Variants in KCTD16 observed in about 807,000 individuals in gnomAD.
KCTD16 encodes BTB/POZ domain-containing protein KCTD16.
KCTD16 carries 13 observed loss-of-function variants against 33.2 expected under a neutral mutation model. That is an observed-to-expected ratio of 0.39 (90% CI 0.25 to 0.62). The LOEUF is 0.62. KCTD16 is among the 20% of genes least tolerant of loss of function. The pLI is 0.50. For missense variants in KCTD16, 441 were observed against 525.1 expected (o/e 0.84, Z 1.57); for synonymous variants, 197 against 195.3 (o/e 1.01, Z -0.07).
At chr5:144,186,603 C>A (rs1422960855) in intron 2 of KCTD16, among the ~76,000 whole-genome samples, 2 of 152,134 alleles carry the variant, frequency 1.3e-5, no homozygotes, top group Non-Finnish European at 2.9e-5. Context: ...CTTTAAAAAA[C>A]CAGTTTGTTT....
At chr5:144,292,775 T>C (rs1326375715) in intron 3 of KCTD16, among the ~76,000 whole-genome samples, 1 of 152,026 alleles carries the variant, frequency 6.6e-6, no homozygotes, top group Non-Finnish European at 1.5e-5. Flanking sequence ...AATAGAGAAT[T>C]CTCAACTTCC....
intron 3 of KCTD16, chr5:144,385,266 G>A (rs1314385980): frequency 6.6e-6 from 1 of 152,216 alleles, no homozygotes; most frequent in East Asian, 1.9e-4. Flanking sequence ...AGATGCTGAT[G>A]ACTTCAGTGA....
intron 3 of KCTD16, among the ~76,000 whole-genome samples, chr5:144,244,288 G>T (rs1027509601): frequency 6.6e-6 from 1 of 152,188 alleles, no homozygotes; most frequent in African/African-American, 2.4e-5. Context: ...GACATACTGA[G>T]TTATGCTAAG....
chr5:144,458,692 A>G (rs1754127836), intron 3 of KCTD16, among the ~76,000 whole-genome samples: 1 of 152,220 alleles, frequency 6.6e-6, no homozygotes, highest in Admixed American at 6.5e-5. Flanking sequence ...CAAAGGAATG[A>G]TATAAACCTG....
intron 3 of KCTD16, among the ~76,000 whole-genome samples, chr5:144,418,981 A>AC (rs1753148519): frequency 6.6e-6 from 1 of 152,132 alleles, no homozygotes; most frequent in African/African-American, 2.4e-5. Context: ...CCACCAAGCC[A>AC]CACTGTCTTT....
chr5:144,442,172 A>G (rs1329626060), intron 3 of KCTD16, among the ~76,000 whole-genome samples: 1 of 152,154 alleles, frequency 6.6e-6, no homozygotes, highest in South Asian at 2.1e-4. Context: ...CTTGGATCAA[A>G]GTAGCTTATT....
At chr5:144,270,256 G>A (rs958528297) in intron 3 of KCTD16, among the ~76,000 whole-genome samples, 2 of 151,882 alleles carry the variant, frequency 1.3e-5, no homozygotes, top group Non-Finnish European at 1.5e-5. Flanking sequence ...AGAATGGGAC[G>A]TGGGACATTT....
chr5:144,287,861 C>G (rs952467762), intron 3 of KCTD16, among the ~76,000 whole-genome samples: 1 of 152,078 alleles, frequency 6.6e-6, no homozygotes, highest in Non-Finnish European at 1.5e-5. Flanking sequence ...GTCTCGAACT[C>G]CTGACCTCGT....
chr5:144,421,703 G>A (rs796232800), intron 3 of KCTD16, among the ~76,000 whole-genome samples: 1 of 152,064 alleles, frequency 6.6e-6, no homozygotes, highest in African/African-American at 2.4e-5. Flanking sequence ...GGCAGCTTTC[G>A]GCACATTCCG....
intron 3 of KCTD16, among the ~76,000 whole-genome samples, chr5:144,370,982 G>A (rs932467612): frequency 2.0e-5 from 3 of 152,020 alleles, no homozygotes; most frequent in Non-Finnish European, 2.9e-5. Flanking sequence ...TAATAAAAAT[G>A]AGACCAGTCC....
In KCTD16 at chr5:144,224,383, GTTT is replaced by G. The variant is rs530446253; in HGVS notation, c.832+16856_832+16858del. Among the ~76,000 whole-genome samples the G allele has an allele frequency of 5.2e-3, 522 of 100,338 alleles. 2 individuals are homozygous for G. Among genetic ancestry groups the G allele is most frequent in the Admixed American group, 0.011 (92 of 8,184 alleles). 65.8% of individuals were successfully genotyped at this position (100,338 alleles called of 152,430 possible). A position where few individuals can be genotyped will look rare whatever the true frequency, so the allele number is the denominator to read the frequency against. On this transcript the variant is annotated intron_variant, in intron 3 of 3. Transcript: ENST00000512467. ...TATTTTTATTGGATCAATATAATGT[GTTT>G]TTTTTTTTTTTTTTTTTTCCTCCAA...
chr5:144,398,415 A>G (rs2126944115), intron 3 of KCTD16, among the ~76,000 whole-genome samples: 1 of 152,302 alleles, frequency 6.6e-6, no homozygotes, highest in African/African-American at 2.4e-5. Context: ...TATGTCCAGA[A>G]TGATTTATTT....
At chr5:144,232,649 G>A (rs182056117) in intron 3 of KCTD16, among the ~76,000 whole-genome samples, 15 of 152,160 alleles carry the variant, frequency 9.9e-5, no homozygotes, top group African/African-American at 2.9e-4. Flanking sequence ...CTTTCCCTAA[G>A]GTAGATTCTG....
intron 2 of KCTD16, among the ~76,000 whole-genome samples, chr5:144,200,884 G>A (rs1753031865): frequency 6.6e-6 from 1 of 152,128 alleles, no homozygotes; most frequent in Non-Finnish European, 1.5e-5. Flanking sequence ...CTATAGGAAT[G>A]CACCACCACA....
intron 2 of KCTD16, among the ~76,000 whole-genome samples, chr5:144,175,313 G>T (rs956674372): frequency 1.3e-5 from 2 of 152,158 alleles, no homozygotes; most frequent in Non-Finnish European, 2.9e-5. Context: ...TTTTGAACTT[G>T]TTCCTGAGTC....
rs1754565198 is a variant in KCTD16, at chr5:144,475,050, CA to C, written c.*937del. On this transcript the variant is annotated 3_prime_UTR_variant, in exon 4 of 4. Coordinates refer to ENST00000512467, the MANE Select transcript of KCTD16 (RefSeq NM_020768.4). ...CCTTCTCTACCCTGAACTGAATTATCACCCTTTTCTCCATGTTTTCAGAGTT... is the reference window on the plus strand; with the variant it reads ...CCTTCTCTACCCTGAACTGAATTATCCCCTTTTCTCCATGTTTTCAGAGTT... The C allele has an allele frequency of 6.6e-6, 1 of 152,192 alleles. No homozygotes were observed. Among genetic ancestry groups the C allele is most frequent in the Admixed American group, 6.5e-5 (1 of 15,284 alleles). The allele number at this position is 152,192 out of a possible 1,614,324, so 9.4% of individuals were successfully genotyped here. A position where few individuals can be genotyped will look rare whatever the true frequency, so the allele number is the denominator to read the frequency against.
At chr5:144,178,771 T>G (rs1048626791) in intron 2 of KCTD16, among the ~76,000 whole-genome samples, 11 of 152,198 alleles carry the variant, frequency 7.2e-5, no homozygotes, top group Admixed American at 6.5e-4. Context: ...TAATTAAAAG[T>G]TATTCCTTTT....
chr5:144,348,261 A>G (rs111440360), intron 3 of KCTD16, among the ~76,000 whole-genome samples: 2 of 152,350 alleles, frequency 1.3e-5, no homozygotes, highest in African/African-American at 4.8e-5. Flanking sequence ...AGCACCACAA[A>G]GCACTTGAAA....
chr5:144,244,876 G>A (rs1271229547), intron 3 of KCTD16, among the ~76,000 whole-genome samples: 2 of 152,166 alleles, frequency 1.3e-5, no homozygotes, highest in Non-Finnish European at 2.9e-5. Flanking sequence ...CAAATGAAAT[G>A]TAGTAGTGAC....
Sources: gnomAD v4.1 joint callset for allele counts (sites outside exome capture counted in the v4.1 genomes callset) on GRCh38, gnomAD v4.1.1 for gene constraint, MANE v1.5 for transcripts, NCBI Gene and HGNC (gene_info 2026-07-23, HGNC 2026-07-21) for gene names.